SCFD2: variants seen among roughly 807,000 people sequenced by gnomAD.
SCFD2 encodes the protein sec1 family domain-containing protein 2.
SCFD2 carries 54 observed loss-of-function variants against 58.9 expected under a neutral mutation model. That is an observed-to-expected ratio of 0.92 (90% CI 0.74 to 1.15). The LOEUF is 1.15. Ranked by LOEUF, SCFD2 falls within the 50% of genes most tolerant of loss-of-function variation. SCFD2 has a pLI of 0.00. For synonymous variants in SCFD2, 321 were observed against 335.9 expected (o/e 0.96, Z 0.49); for missense variants, 805 against 836.6 (o/e 0.96, Z 0.47).
At chr4:53,284,452 A>G (rs1731602924) in intron 3 of SCFD2, among the ~76,000 whole-genome samples, 2 of 152,156 alleles carry the variant, frequency 1.3e-5, no homozygotes, top group African/African-American at 4.8e-5. Context: ...TTTATTTTAT[A>G]TATGTTGTCA....
intron 2 of SCFD2, among the ~76,000 whole-genome samples, chr4:53,330,630 G>C (rs571195975): frequency 2.6e-5 from 4 of 151,822 alleles, no homozygotes; most frequent in Non-Finnish European, 5.9e-5. Flanking sequence ...AGTACCAGCC[G>C]CTGCAAAATC....
chr4:53,362,650 T>C (rs1205011913), intron 1 of SCFD2, among the ~76,000 whole-genome samples: 1 of 148,386 alleles, frequency 6.7e-6, no homozygotes, highest in Admixed American at 6.8e-5. Flanking sequence ...ACAACAAGTA[T>C]AGACAACTCT....
chr4:53,136,198 T>C (rs1224940230), intron 5 of SCFD2, among the ~76,000 whole-genome samples: 1 of 152,142 alleles, frequency 6.6e-6, no homozygotes, highest in East Asian at 1.9e-4. Context: ...AAGCCAAAGG[T>C]TGGGAATCAC....
intron 5 of SCFD2, among the ~76,000 whole-genome samples, chr4:52,984,065 T>G (rs1721435675): frequency 6.6e-6 from 1 of 152,206 alleles, no homozygotes; most frequent in African/African-American, 2.4e-5. Context: ...GGAGTACCTG[T>G]GTACATGAAG....
chr4:53,026,923 A>C (rs1200812645), intron 5 of SCFD2, among the ~76,000 whole-genome samples: 2 of 152,256 alleles, frequency 1.3e-5, no homozygotes, highest in Non-Finnish European at 2.9e-5. Flanking sequence ...CCTGCTAGTG[A>C]AAGTGTATAA....
intron 7 of SCFD2, among the ~76,000 whole-genome samples, chr4:52,897,064 G>T (rs1379941235): frequency 6.6e-6 from 1 of 152,140 alleles, no homozygotes; most frequent in Non-Finnish European, 1.5e-5. Flanking sequence ...GGGCTGAGAC[G>T]ATGGGGTTTT....
intron 8 of SCFD2, among the ~76,000 whole-genome samples, chr4:52,874,450 C>T (rs1476786471): frequency 2.0e-5 from 3 of 152,184 alleles, no homozygotes; most frequent in Non-Finnish European, 4.4e-5. Context: ...AAGGTTTCTC[C>T]CCATTTCAGG....
At chr4:52,973,643 G>C (rs1721170737) in intron 5 of SCFD2, among the ~76,000 whole-genome samples, 1 of 152,168 alleles carries the variant, frequency 6.6e-6, no homozygotes, top group Non-Finnish European at 1.5e-5. Context: ...AACAGAAAAA[G>C]AGGGAATCCT....
At chr4:52,881,423 G>A (rs1045573700) in intron 8 of SCFD2, among the ~76,000 whole-genome samples, 1 of 152,170 alleles carries the variant, frequency 6.6e-6, no homozygotes, top group Non-Finnish European at 1.5e-5. Flanking sequence ...TCATGAGGTG[G>A]TGCTTCCATG....
intron 5 of SCFD2, among the ~76,000 whole-genome samples, chr4:52,924,823 G>A (rs1050190879): frequency 2.6e-5 from 4 of 152,078 alleles, no homozygotes; most frequent in Non-Finnish European, 5.9e-5. Context: ...AAATATCCCC[G>A]ATTGCAGACC....
rs538172262 is a variant in SCFD2 at position 53,186,425 on chromosome 4, T to G, written c.1312-40843A>C. Among the ~76,000 whole-genome samples the G allele has an allele frequency of 6.6e-5, 10 of 152,188 alleles. No individual in the cohort carries two copies. In the South Asian group the frequency reaches 1.2e-3, roughly 19 times the overall value. On this transcript the variant is annotated intron_variant, in intron 4 of 8. Transcript: ENST00000401642. ...CTTACTCACTTTTGTATTCCTACAA[T>G]GCTTGGCAGAGATTCTTGCACGAAG...
At chr4:53,237,129 CAT>C in intron 4 of SCFD2, among the ~76,000 whole-genome samples, 1 of 149,900 alleles carries the variant, frequency 6.7e-6, no homozygotes, top group East Asian at 1.9e-4. Context: ...GGACACAGCA[CAT>C]GTTTCAGAGA....
rs1731254805 is a variant in SCFD2, at chr4:53,273,949, G to A, written c.1188C>T (p.Asn396=). The A allele has an allele frequency of 6.2e-7, 1 of 1,613,776 alleles. No individual in the cohort carries two copies. Among genetic ancestry groups the A allele is most frequent in the Admixed American group, 1.7e-5 (1 of 59,994 alleles). ...LMSYIQLFKN[N]LKALMNHCGL... ...CACAATGATTCATTAGAGCTTTGAG[G>A]TTGTTCTTGAAGAGCTGAATATAGG... Residue 396 remains asparagine, a synonymous_variant, in exon 4 of 9, where the codon AAC becomes AAT. Transcript: ENST00000401642.
At chr4:53,032,797 C>T (rs1722646962) in intron 5 of SCFD2, among the ~76,000 whole-genome samples, 1 of 152,096 alleles carries the variant, frequency 6.6e-6, no homozygotes, top group African/African-American at 2.4e-5. Flanking sequence ...GCACCCAATA[C>T]ACAAGCACCC....
chr4:53,212,402 T>C (rs1243802583), intron 4 of SCFD2, among the ~76,000 whole-genome samples: 1 of 151,778 alleles, frequency 6.6e-6, no homozygotes, highest in African/African-American at 2.4e-5. Flanking sequence ...TGTTTGTCCA[T>C]GTCACTTCCC....
At chr4:53,345,412 A>G (rs1174391603) in intron 2 of SCFD2, among the ~76,000 whole-genome samples, 1 of 152,224 alleles carries the variant, frequency 6.6e-6, no homozygotes, top group East Asian at 1.9e-4. Flanking sequence ...ATCTCACACC[A>G]GTTAGAATGG....
At chr4:53,228,390 T>A (rs1729299905) in intron 4 of SCFD2, among the ~76,000 whole-genome samples, 1 of 152,182 alleles carries the variant, frequency 6.6e-6, no homozygotes, top group South Asian at 2.1e-4. Flanking sequence ...TCATCCTTCT[T>A]CTACGACTCT....
chr4:52,964,808 G>A (rs1720925023), intron 5 of SCFD2, among the ~76,000 whole-genome samples: 1 of 151,982 alleles, frequency 6.6e-6, no homozygotes, highest in Admixed American at 6.6e-5. Context: ...ACTCCTAAGG[G>A]TGAGCCAGCA....
intron 5 of SCFD2, among the ~76,000 whole-genome samples, chr4:53,007,984 C>G (rs1156565581): frequency 6.6e-6 from 1 of 151,974 alleles, no homozygotes; most frequent in Non-Finnish European, 1.5e-5. Flanking sequence ...GGCTGGAGAG[C>G]AAAAAGGAGA....
Sources: gnomAD v4.1 joint callset for allele counts (sites outside exome capture counted in the v4.1 genomes callset) on GRCh38, gnomAD v4.1.1 for gene constraint, MANE v1.5 for transcripts, NCBI Gene and HGNC (gene_info 2026-07-23, HGNC 2026-07-21) for gene names.